The following CACFD1 variants were observed in gnomAD, a reference collection of about 807,000 sequenced individuals.
The protein encoded by CACFD1 is calcium channel flower domain containing 1, also known as calcium channel flower homolog.
CACFD1 carries 26 observed loss-of-function variants against 21.3 expected under a neutral mutation model. That is an observed-to-expected ratio of 1.22 (90% CI 0.89 to 1.69). CACFD1 has a LOEUF of 1.69. Ranked by LOEUF, CACFD1 falls within the 40% of genes most tolerant of loss-of-function variation. CACFD1 has a pLI of 0.00. For synonymous variants in CACFD1, 121 were observed against 106.6 expected (o/e 1.13, Z -0.83); for missense variants, 265 against 236.2 (o/e 1.12, Z -0.80).
chr9:133,465,479 C>T lies in CACFD1; in HGVS notation c.320+32C>T, dbSNP rs782469343. On this transcript the variant is annotated intron_variant, in intron 3 of 4. Transcript: ENST00000316948. This position sits in a 1 kb window ranked among gnomAD's most constrained non-coding sequence, Gnocchi z 5.0. ...GGTTGCTGGGCAGGGTCCCGTGACACAGTTCCCCAAAACCCCACTGACAAA... is the reference window on the plus strand; with the variant it reads ...GGTTGCTGGGCAGGGTCCCGTGACATAGTTCCCCAAAACCCCACTGACAAA... 2 of 1,581,314 alleles carry T rather than the reference C, an allele frequency of 1.3e-6. No homozygotes were observed. The highest frequency in any genetic ancestry group is 1.7e-6 in the Non-Finnish European group (2 of 1,162,312).
At chr9:133,460,970 G>A (rs979608419) in intron 1 of CACFD1, among the ~76,000 whole-genome samples, 1 of 152,262 alleles carries the variant, frequency 6.6e-6, no homozygotes, top group Non-Finnish European at 1.5e-5. Flanking sequence ...AGGGAGGCAG[G>A]TCAGCTCCAG....
chr9:133,463,810 A>C (rs1474539118), intron 2 of CACFD1, among the ~76,000 whole-genome samples: 2 of 152,210 alleles, frequency 1.3e-5, no homozygotes, highest in Admixed American at 6.5e-5. Flanking sequence ...CCCGGCCTTC[A>C]TCCGGTGCAG....
At chr9:133,460,921 G>A (rs1442640449) in intron 1 of CACFD1, among the ~76,000 whole-genome samples, 1 of 152,220 alleles carries the variant, frequency 6.6e-6, no homozygotes, top group Admixed American at 6.5e-5. Flanking sequence ...AGGCTGCCAG[G>A]GAAGCTAGGC....
rs781843624 is a variant in CACFD1, at chr9:133,465,332, T to C, written c.205T>C (p.Phe69Leu). The C allele has an allele frequency of 6.2e-7, 1 of 1,614,054 alleles. No individual in the cohort carries two copies. The highest frequency in any genetic ancestry group is 1.1e-5 in the South Asian group (1 of 91,080). Reference protein sequence around the residue: ...AAGVWMIMNAFILLLCEAPFC... With the variant: ...AAGVWMIMNALILLLCEAPFC... ...CCCTGGTCCCTGCAGCATGAATGCC[T>C]TCATCTTGTTGCTGTGTGAGGCGCC... The change falls in exon 3 of 5, where the codon TTC (phenylalanine) becomes CTC (leucine). Residue 69 changes from phenylalanine (F) to leucine (L), a missense_variant. Phe to Leu is a conservative substitution (Grantham distance 22). Transcript: ENST00000316948. The surrounding 1 kb of genome is among the most constrained non-coding windows in gnomAD (Gnocchi z 5.0).
Position 133,465,555 on chromosome 9 carries a change from G to T in CACFD1, c.320+108G>T. On this transcript the variant is annotated intron_variant, in intron 3 of 4. Coordinates refer to ENST00000316948, the MANE Select transcript of CACFD1 (RefSeq NM_017586.5). This position sits in a 1 kb window ranked among gnomAD's most constrained non-coding sequence, Gnocchi z 5.0. ...TGGGCAGTGTATTCAGTTCCTCTCT[G>T]TGGAAGTGTAAACTGGGATTGCCTT... The T allele has an allele frequency of 8.6e-7, 1 of 1,160,202 alleles. No homozygotes were observed. Among genetic ancestry groups the T allele is most frequent in the Non-Finnish European group, 1.2e-6 (1 of 816,796 alleles). 71.9% of individuals were successfully genotyped at this position (1,160,202 alleles called of 1,614,324 possible).
At position 133,468,765 on chromosome 9, in the gene CACFD1, C is replaced by A; in HGVS notation, c.*112C>A. 7.0e-7 allele frequency: 1 copy of A among 1,435,374 alleles called. No individual in the cohort carries two copies. Among genetic ancestry groups the A allele is most frequent in the Non-Finnish European group, 9.1e-7 (1 of 1,094,318 alleles). 88.9% of individuals were successfully genotyped at this position (1,435,374 alleles called of 1,614,324 possible). A position where few individuals can be genotyped will look rare whatever the true frequency, so the allele number is the denominator to read the frequency against. On this transcript the variant is annotated 3_prime_UTR_variant, in exon 5 of 5. Transcript: ENST00000316948. ...CCTGGAGAGGGGCCTTTGCACGTGT[C>A]CCTACACCTGGAGTCCTCTGCTCCT...
intron 1 of CACFD1, chr9:133,462,273 T>G: frequency 7.7e-7 from 1 of 1,304,092 alleles, no homozygotes. Flanking sequence ...TTGGGCACTC[T>G]GCTAGGACAG....
At position 133,465,124 on chromosome 9, in the gene CACFD1, G is replaced by A; in HGVS notation, c.195-198G>A. The A allele has an allele frequency of 1.7e-6, 1 of 601,700 alleles. No homozygotes were observed. The highest frequency in any genetic ancestry group is 1.9e-5 in the South Asian group (1 of 51,714). 37.3% of individuals were successfully genotyped at this position (601,700 alleles called of 1,614,324 possible). A position where few individuals can be genotyped will look rare whatever the true frequency, so the allele number is the denominator to read the frequency against. On this transcript the variant is annotated intron_variant, in intron 2 of 4. Transcript: ENST00000316948. This position sits in a 1 kb window ranked among gnomAD's most constrained non-coding sequence, Gnocchi z 5.0. ...AGATGGGTGTGCAGGAGCAGCTGGG[G>A]AGTGCTGGAGTCTTCAGCAGAGGCT...
intron 2 of CACFD1, among the ~76,000 whole-genome samples, 199 bp downstream of exon 2, chr9:133,463,754 C>G (rs1554798995): frequency 6.6e-6 from 1 of 152,238 alleles, no homozygotes; most frequent in Admixed American, 6.5e-5. Context: ...ATACCCCCAC[C>G]ATGTTTAGTT....
chr9:133,460,591 T>C (rs966716437), intron 1 of CACFD1, among the ~76,000 whole-genome samples: 1 of 150,714 alleles, frequency 6.6e-6, no homozygotes. Context: ...ACCTGGCCCG[T>C]ACTAAAGCGT....
At chr9:133,461,360 A>AC (rs1244419584) in intron 1 of CACFD1, among the ~76,000 whole-genome samples, 1 of 152,122 alleles carries the variant, frequency 6.6e-6, no homozygotes, top group Non-Finnish European at 1.5e-5. Context: ...GGCAGGCCCT[A>AC]CCCCCAAATC....
Position 133,468,562 on chromosome 9 carries a change from G to C in CACFD1, c.429-1G>C, listed in dbSNP as rs1554800105. The C allele has an allele frequency of 2.3e-5, 37 of 1,576,784 alleles. No homozygotes were observed. Among genetic ancestry groups the C allele is most frequent in the Non-Finnish European group, 3.1e-5 (36 of 1,163,096 alleles). On this transcript the variant is annotated splice_acceptor_variant, in intron 4 of 4. Coordinates refer to ENST00000316948, the MANE Select transcript of CACFD1 (RefSeq NM_017586.5). LOFTEE classifies it high-confidence loss of function. ...GTGACGCTGCCTCTCTCTCTCCCCA[G>C]GGGCGATGCGATCTCCTATGCCAGG... is the stretch of plus-strand genomic sequence containing the variant.
chr9:133,460,323 C>A (rs1445211903), intron 1 of CACFD1, 136 bp downstream of exon 1: 2 of 810,614 alleles, frequency 2.5e-6, no homozygotes, highest in African/African-American at 1.8e-5. Context: ...CCTCCCGGGG[C>A]GGAGGAATGG....
intron 4 of CACFD1, chr9:133,468,287 C>A: frequency 1.3e-6 from 2 of 1,495,414 alleles, no homozygotes; most frequent in South Asian, 1.3e-5. Context: ...AGCCCCTTCC[C>A]CTCCCAGGTC....
intron 2 of CACFD1, chr9:133,464,896 T>G (rs934870392): frequency 3.2e-4 from 53 of 166,260 alleles, no homozygotes; most frequent in African/African-American, 7.7e-4. Flanking sequence ...CTGGTGCCAC[T>G]GACGGCTTTT....
intron 1 of CACFD1, 146 bp from the exon 2 acceptor site, chr9:133,463,337 T>C (rs1175062699): frequency 1.4e-6 from 2 of 1,478,544 alleles, no homozygotes; most frequent in East Asian, 4.7e-5. Flanking sequence ...TCTCAGACGA[T>C]AGAGGGCAGG....
intron 1 of CACFD1, chr9:133,461,942 G>T: frequency 1.0e-6 from 1 of 985,430 alleles, no homozygotes; most frequent in Non-Finnish European, 1.2e-6. Flanking sequence ...AGTACCTGGA[G>T]AGGGTCTACC....
rs1391590464 is a variant in CACFD1 at position 133,465,543 on chromosome 9, C to A, written c.320+96C>A. ...GTCAGGTGAGGGTGGGCAGTGTATT[C>A]AGTTCCTCTCTGTGGAAGTGTAAAC... On this transcript the variant is annotated intron_variant, in intron 3 of 4. Coordinates refer to ENST00000316948, the MANE Select transcript of CACFD1 (RefSeq NM_017586.5). The surrounding 1 kb of genome is among the most constrained non-coding windows in gnomAD (Gnocchi z 5.0). 5 of 1,240,534 alleles carry A rather than the reference C, an allele frequency of 4.0e-6. No individual in the cohort carries two copies. Among genetic ancestry groups the A allele is most frequent in the Non-Finnish European group, 5.7e-6 (5 of 882,632 alleles). 76.8% of individuals were successfully genotyped at this position (1,240,534 alleles called of 1,614,324 possible). A position where few individuals can be genotyped will look rare whatever the true frequency, so the allele number is the denominator to read the frequency against.
In CACFD1 at chr9:133,465,850, G is replaced by A. The variant is rs587728965; in HGVS notation, c.320+403G>A. On this transcript the variant is annotated intron_variant, in intron 3 of 4. Transcript: ENST00000316948. This position sits in a 1 kb window ranked among gnomAD's most constrained non-coding sequence, Gnocchi z 5.0. ...TCATCTAGATGTCCTGACGTGAAGG[G>A]GGAGAAGCAGGTTGCAGAGCAGAAA... is the stretch of plus-strand genomic sequence containing the variant. 6.1e-5 allele frequency: 10 copies of A among 164,816 alleles called. No homozygotes were observed. The South Asian group carries it at 1.1e-3, about 17-fold the overall frequency. 10.2% of individuals were successfully genotyped at this position (164,816 alleles called of 1,614,324 possible). A position where few individuals can be genotyped will look rare whatever the true frequency, so the allele number is the denominator to read the frequency against.
Sources: allele counts gnomAD v4.1 joint callset (sites outside exome capture counted in the v4.1 genomes callset), GRCh38; gene constraint gnomAD v4.1.1; non-coding constraint Gnocchi (gnomAD v3.1); transcripts MANE v1.5; gene names NCBI Gene and HGNC (gene_info 2026-07-23, HGNC 2026-07-21).